The following ATRNL1 variants were observed in gnomAD, a reference collection of about 807,000 sequenced individuals.
The protein encoded by ATRNL1 is attractin-like protein 1.
ATRNL1 carries 95 observed loss-of-function variants against 182.7 expected under a neutral mutation model. The observed-to-expected ratio is 0.52, with a 90% CI of 0.44 to 0.62. The LOEUF (loss-of-function observed/expected upper bound fraction) is 0.62. Among genes scored for constraint, ATRNL1 ranks in the 20% least tolerant of loss-of-function variants. The probability of loss-of-function intolerance (pLI) is 0.00; values close to 1 mark genes in which losing one functional copy is unlikely to be tolerated. For synonymous variants in ATRNL1, 576 were observed against 568.3 expected (o/e 1.01, Z -0.19); for missense variants, 1,471 against 1,679.5 (o/e 0.88, Z 2.17).
At chr10:115,764,063 C>T (rs1242383670) in intron 27 of ATRNL1, among the ~76,000 whole-genome samples, 4 of 152,140 alleles carry the variant, frequency 2.6e-5, no homozygotes, top group African/African-American at 9.7e-5. Flanking sequence ...TTTGTGTTCT[C>T]TGCTTTATAG....
intron 26 of ATRNL1, among the ~76,000 whole-genome samples, chr10:115,726,047 T>TA (rs1555059985): frequency 1.3e-5 from 2 of 152,158 alleles, no homozygotes. Context: ...GTTCTCTTTT[T>TA]AATAATAAAA....
At chr10:115,102,415 T>C (rs546589802) in intron 1 of ATRNL1, among the ~76,000 whole-genome samples, 3 of 152,090 alleles carry the variant, frequency 2.0e-5, no homozygotes, top group Admixed American at 6.5e-5. Context: ...GTATGTACTT[T>C]ATTAATGTAT....
intron 28 of ATRNL1, among the ~76,000 whole-genome samples, chr10:115,850,142 G>A (rs1219141438): frequency 1.3e-5 from 2 of 152,144 alleles, no homozygotes; most frequent in Non-Finnish European, 2.9e-5. Flanking sequence ...CAATTTGGAA[G>A]ATGGGTAAGA....
At chr10:115,314,343 A>T (rs906991508) in intron 17 of ATRNL1, among the ~76,000 whole-genome samples, 1 of 152,182 alleles carries the variant, frequency 6.6e-6, no homozygotes. Flanking sequence ...TGCAGAGTCA[A>T]CGATATCAAG....
intron 20 of ATRNL1, among the ~76,000 whole-genome samples, chr10:115,424,950 G>A (rs79992186): frequency 0.012 from 1,899 of 152,156 alleles, 34 homozygotes; most frequent in African/African-American, 0.043. Flanking sequence ...AGTGGTGTTT[G>A]GAAATGTCAC....
intron 28 of ATRNL1, among the ~76,000 whole-genome samples, chr10:115,879,126 T>C (rs1393078601): frequency 6.6e-6 from 1 of 151,606 alleles, no homozygotes. Context: ...CATAGCAAGA[T>C]CCTGTTTCTA....
At chr10:115,489,289 T>C (rs1030314675) in intron 24 of ATRNL1, among the ~76,000 whole-genome samples, 16 of 152,192 alleles carry the variant, frequency 1.1e-4, no homozygotes, top group Admixed American at 8.5e-4. Context: ...TTGTTAATTT[T>C]CTGTCTCCTT....
intron 27 of ATRNL1, among the ~76,000 whole-genome samples, chr10:115,754,632 G>A (rs1555071479): frequency 1.3e-5 from 2 of 152,120 alleles, no homozygotes; most frequent in South Asian, 2.1e-4. Flanking sequence ...TTTTTGACTA[G>A]GATTGTCTTG....
intron 21 of ATRNL1, among the ~76,000 whole-genome samples, chr10:115,458,088 C>T (rs1847615616): frequency 1.3e-5 from 2 of 152,144 alleles, no homozygotes; most frequent in Admixed American, 6.6e-5. Flanking sequence ...AATTTATTTT[C>T]AAGTTATGTA....
chr10:115,884,595 C>T (rs1262996051), intron 28 of ATRNL1, among the ~76,000 whole-genome samples: 4 of 152,146 alleles, frequency 2.6e-5, no homozygotes, highest in African/African-American at 7.2e-5. Flanking sequence ...ATTCCTGAGT[C>T]GGTACTGCAG....
intron 5 of ATRNL1, among the ~76,000 whole-genome samples, chr10:115,132,839 T>C (rs1162825915): frequency 6.6e-6 from 1 of 152,344 alleles, no homozygotes; most frequent in Admixed American, 6.5e-5. Flanking sequence ...TAGCCCTTTG[T>C]CAGATGAGTA....
rs528435904 is a variant in ATRNL1, at chr10:115,544,352, AT to A, written c.3717-5105del. ...GGCTGTTCTTGCAATGCTATAAAAA[AT>A]ATCTGAGTCTGGATAAATTATAAAG... On this transcript the variant is annotated intron_variant, in intron 25 of 28. Coordinates refer to ENST00000355044, the MANE Select transcript of ATRNL1 (RefSeq NM_207303.4). Among the ~76,000 whole-genome samples, 16 of 152,350 alleles carry A rather than the reference AT, an allele frequency of 1.1e-4. No individual in the cohort carries two copies. The East Asian group carries it at 2.7e-3, about 26-fold the overall frequency.
At chr10:115,593,898 T>C (rs1019646738) in intron 26 of ATRNL1, among the ~76,000 whole-genome samples, 5 of 152,086 alleles carry the variant, frequency 3.3e-5, no homozygotes, top group Admixed American at 2.6e-4. Context: ...CTACAGGTAG[T>C]ATACAATTAT....
chr10:115,416,049 A>G (rs1442297841), intron 20 of ATRNL1, among the ~76,000 whole-genome samples: 2 of 152,024 alleles, frequency 1.3e-5, no homozygotes, highest in African/African-American at 4.8e-5. Context: ...TTTTGTCCCT[A>G]AGCATTGAGA....
At chr10:115,672,452 T>C (rs1945726720) in intron 26 of ATRNL1, among the ~76,000 whole-genome samples, 1 of 152,138 alleles carries the variant, frequency 6.6e-6, no homozygotes, top group Admixed American at 6.6e-5. Flanking sequence ...TCTCATAAAT[T>C]GAATCCTAAA....
At chr10:115,148,649 G>A (rs569817840) in intron 5 of ATRNL1, among the ~76,000 whole-genome samples, 1 of 151,742 alleles carries the variant, frequency 6.6e-6, no homozygotes, top group East Asian at 1.9e-4. Flanking sequence ...GGGTTTAAGA[G>A]CAGAAAGTTT....
intron 27 of ATRNL1, among the ~76,000 whole-genome samples, chr10:115,743,934 T>C (rs1262696670): frequency 6.6e-6 from 1 of 151,616 alleles, no homozygotes; most frequent in Non-Finnish European, 1.5e-5. Flanking sequence ...AGCCAGTATA[T>C]TGTACACATC....
At chr10:115,769,791 T>C (rs1555075890) in intron 27 of ATRNL1, among the ~76,000 whole-genome samples, 1 of 152,172 alleles carries the variant, frequency 6.6e-6, no homozygotes, top group Non-Finnish European at 1.5e-5. Context: ...AGATCATACA[T>C]ATAAAGGGCT....
At position 115,334,500 on chromosome 10, in the gene ATRNL1, A is replaced by G. The variant is rs1467350329; in HGVS notation, c.3175+81A>G. 3.7e-6 allele frequency: 4 copies of G among 1,085,440 alleles called. No homozygotes were observed. In the East Asian group the frequency reaches 1.1e-4, roughly 29 times the overall value. 67.2% of individuals were successfully genotyped at this position (1,085,440 alleles called of 1,614,324 possible). ...GAAAGCAGCGCCTGTTGTGGAGAAT[A>G]TATACTACTACAGAAAATTTTTTAC... On this transcript the variant is annotated intron_variant, in intron 19 of 28. Transcript: ENST00000355044.
Sources: allele counts gnomAD v4.1 joint callset (sites outside exome capture counted in the v4.1 genomes callset), GRCh38; gene constraint gnomAD v4.1.1; transcripts MANE v1.5; gene names NCBI Gene and HGNC (gene_info 2026-07-23, HGNC 2026-07-21).